The following PLD2 variants were observed in gnomAD, a reference collection of about 807,000 sequenced individuals.
PLD2 encodes the protein choline phosphatase 2.
A neutral mutation model predicts 119.8 loss-of-function variants in PLD2; 101 were observed. That is an observed-to-expected ratio of 0.84 (90% CI 0.72 to 0.99). The LOEUF is 0.99. Ranked by LOEUF, PLD2 falls within the 50% of genes least tolerant of loss-of-function variation. The pLI is 0.00. For synonymous variants in PLD2, 494 were observed against 482.8 expected (o/e 1.02, Z -0.30); for missense variants, 1,164 against 1,226.8 (o/e 0.95, Z 0.76).
Position 4,819,130 on chromosome 17 carries a change from A to T in PLD2, c.2220A>T (p.Thr740=), listed in dbSNP as rs766498542. ...RDYISICGLR[T]HGELGGHPVS... is the part of the protein sequence containing the mutation. Reference sequence around the variant, plus strand: ...ATATTTCCATCTGCGGGCTTCGTACACACGGAGAGCTGGGCGGGCACCCCG... The same window carrying T: ...ATATTTCCATCTGCGGGCTTCGTACTCACGGAGAGCTGGGCGGGCACCCCG... The change falls in exon 22 of 25, where the codon ACA becomes ACT. Residue 740 remains threonine, a synonymous_variant. Transcript: ENST00000263088. The surrounding 1 kb of genome is among the most constrained non-coding windows in gnomAD (Gnocchi z 4.2). The T allele has an allele frequency of 6.8e-6, 11 of 1,614,148 alleles. No individual in the cohort carries two copies. Among genetic ancestry groups the T allele is most frequent in the Non-Finnish European group, 7.6e-6 (9 of 1,180,012 alleles).
intron 21 of PLD2, 93 bp from the exon 22 acceptor site, chr17:4,818,991 T>G: frequency 6.4e-7 from 1 of 1,558,606 alleles, no homozygotes; most frequent in Non-Finnish European, 8.7e-7. Flanking sequence ...GACCAGACTC[T>G]ATGTAGGAAG....
In PLD2 at chr17:4,808,015, T is replaced by C; in HGVS notation, c.141T>C (p.Tyr47=). ...ADRMHPFLAI[Y]ELQSLKVHPL... Reference sequence around the variant, plus strand: ...GGATGCACCCGTTTCTGGCCATCTATGAGCTTCAGTCTCTGAAAGTGCACC... The same window carrying C: ...GGATGCACCCGTTTCTGGCCATCTACGAGCTTCAGTCTCTGAAAGTGCACC... The change falls in exon 3 of 25, where the codon TAT becomes TAC. Residue 47 remains tyrosine (Y), a synonymous_variant. Coordinates refer to ENST00000263088, the MANE Select transcript of PLD2 (RefSeq NM_002663.5). The surrounding 1 kb of genome is among the most constrained non-coding windows in gnomAD (Gnocchi z 4.1). 4.3e-6 allele frequency: 7 copies of C among 1,611,840 alleles called. No individual in the cohort carries two copies. Among genetic ancestry groups the C allele is most frequent in the Non-Finnish European group, 5.9e-6 (7 of 1,178,142 alleles).
rs867021763 is a variant in PLD2 at position 4,820,737 on chromosome 17, C to T, written c.2463-1056C>T. Among the ~76,000 whole-genome samples the T allele has an allele frequency of 6.7e-5, 10 of 149,514 alleles. No individual in the cohort carries two copies. The East Asian group carries it at 7.9e-4, about 12-fold the overall frequency. On this transcript the variant is annotated intron_variant, in intron 23 of 24. Coordinates refer to ENST00000263088, the MANE Select transcript of PLD2 (RefSeq NM_002663.5). Reference sequence around the variant, plus strand: ...GACTACAGGCACCCGCCACCTCGCCCGGCTAATTTTTTGTATTTTTAGTAG... The same window carrying T: ...GACTACAGGCACCCGCCACCTCGCCTGGCTAATTTTTTGTATTTTTAGTAG...
At chr17:4,814,585 G>C in intron 11 of PLD2, 48 bp from the exon 12 acceptor site, 2 of 1,613,160 alleles carry the variant, frequency 1.2e-6, no homozygotes, top group South Asian at 2.2e-5. Flanking sequence ...GGGTGCAGCT[G>C]GTGGTCTGGG....
Position 4,819,352 on chromosome 17 carries a change from T to G in PLD2, c.2309-77T>G. On this transcript the variant is annotated intron_variant, in intron 22 of 24. Transcript: ENST00000263088. The surrounding 1 kb of genome is among the most constrained non-coding windows in gnomAD (Gnocchi z 4.2). ...TCCAAGAAGGAATGTTGCAGGCCAG[T>G]GCTTTGGTAGAGGGGATGGGGTACT... 6.2e-7 allele frequency: 1 copy of G among 1,603,380 alleles called. No individual in the cohort carries two copies. Among genetic ancestry groups the G allele is most frequent in the Admixed American group, 1.7e-5 (1 of 59,012 alleles).
Position 4,808,576 on chromosome 17 carries a change from C to A in PLD2, c.383+160C>A. Reference sequence around the variant, plus strand: ...AGGAAACTTTCCCTGCTCAGCTTTCCCTGTCCATGGTTCTGTGCCAGCATC... The same window carrying A: ...AGGAAACTTTCCCTGCTCAGCTTTCACTGTCCATGGTTCTGTGCCAGCATC... On this transcript the variant is annotated intron_variant, in intron 4 of 24. Transcript: ENST00000263088. The surrounding 1 kb of genome is among the most constrained non-coding windows in gnomAD (Gnocchi z 4.1). 1.4e-6 allele frequency: 1 copy of A among 690,050 alleles called. No homozygotes were observed. Among genetic ancestry groups the A allele is most frequent in the Non-Finnish European group, 2.5e-6 (1 of 404,100 alleles). 42.7% of individuals were successfully genotyped at this position (690,050 alleles called of 1,614,324 possible).
chr17:4,809,912 T>G lies in PLD2; in HGVS notation c.743T>G (p.Met248Arg). Residue 248 changes from methionine to arginine, a missense_variant, in exon 9 of 25, where the codon ATG becomes AGG. By Grantham distance (91) the Met-to-Arg change is moderately conservative (BLOSUM62 -1). Transcript: ENST00000263088. ...GTGAAGGACTCCTTCCTGCTGTACATGTGCCTCGAGACAGGTGCCATCTCA... is the reference window on the plus strand; with the variant it reads ...GTGAAGGACTCCTTCCTGCTGTACAGGTGCCTCGAGACAGGTGCCATCTCA... Reference protein sequence around the residue: ...LVVKDSFLLYMCLETGAISFV... With the variant: ...LVVKDSFLLYRCLETGAISFV... 1.9e-6 allele frequency: 3 copies of G among 1,614,230 alleles called. No homozygotes were observed. The highest frequency in any genetic ancestry group is 2.5e-6 in the Non-Finnish European group (3 of 1,180,042).
In PLD2 at chr17:4,807,896, T is replaced by G. The variant is rs1173316140; in HGVS notation, c.109+15T>G. On this transcript the variant is annotated intron_variant, in intron 2 of 24. Coordinates refer to ENST00000263088, the MANE Select transcript of PLD2 (RefSeq NM_002663.5). The surrounding 1 kb of genome is among the most constrained non-coding windows in gnomAD (Gnocchi z 5.4). ...AGAGGACCCAGGTACACAGGGAAGA[T>G]GGATGGCCCTCAGGGAGGAGAGGCG... The G allele has an allele frequency of 6.2e-7, 1 of 1,611,100 alleles. No homozygotes were observed. Among genetic ancestry groups the G allele is most frequent in the Non-Finnish European group, 8.5e-7 (1 of 1,177,626 alleles).
chr17:4,814,604 TG>T, intron 11 of PLD2, 28 bp from the exon 12 acceptor site: 1 of 1,613,584 alleles, frequency 6.2e-7, no homozygotes, highest in Non-Finnish European at 8.5e-7. Flanking sequence ...GGGCTTCGTT[TG>T]CCCCTAATCC....
rs374089475 is a variant in PLD2 at position 4,814,496 on chromosome 17, C to G, written c.1089C>G (p.Asp363Glu). ...CTCAAGAGGAGATTTTCATCACAGA[C>G]TGGTGGTGAGTGGGAAAAGGCCCCA... ...LRAQEEIFIT[D>E]WWLSPEVYLK... The change falls in exon 11 of 25, where the codon GAC (aspartate) becomes GAG (glutamate). Residue 363 changes from aspartate to glutamate, a missense_variant. Coordinates refer to ENST00000263088, the MANE Select transcript of PLD2 (RefSeq NM_002663.5). The G allele has an allele frequency of 1.4e-5, 23 of 1,613,198 alleles. No homozygotes were observed. The highest frequency in any genetic ancestry group is 1.9e-5 in the Non-Finnish European group (23 of 1,179,764).
In PLD2 at chr17:4,816,633, G is replaced by A. The variant is rs770743350; in HGVS notation, c.1469G>A (p.Arg490His). The part of the protein sequence containing the change: ...ESAASQPPTP[R>H]PDSPATPDLS... ...TTCCCCCTACAGCCTCCCACCCCGC[G>A]CCCAGACTCACCAGCCACCCCAGAC... Residue 490 changes from arginine to histidine, a missense_variant, in exon 15 of 25, where the codon CGC (arginine) becomes CAC (histidine). By Grantham distance (29) the Arg-to-His change is conservative (BLOSUM62 0). Transcript: ENST00000263088. The A allele has an allele frequency of 1.3e-5, 21 of 1,613,396 alleles. No individual in the cohort carries two copies. The highest frequency in any genetic ancestry group is 5.4e-5 in the African/African-American group (4 of 74,704).
At position 4,807,873 on chromosome 17, in the gene PLD2, A is replaced by T; in HGVS notation, c.101A>T (p.Glu34Val). The part of the protein sequence containing the change: ...SDEVDTLKEG[E>V]DPADRMHPFL... Reference sequence around the variant, plus strand: ...GAGGTGGACACCCTGAAGGAGGGAGAGGACCCAGGTACACAGGGAAGATGG... The same window carrying T: ...GAGGTGGACACCCTGAAGGAGGGAGTGGACCCAGGTACACAGGGAAGATGG... Residue 34 changes from glutamate (E) to valine (V), a missense_variant, in exon 2 of 25, where the codon GAG (glutamate) becomes GTG (valine). Coordinates refer to ENST00000263088, the MANE Select transcript of PLD2 (RefSeq NM_002663.5). The surrounding 1 kb of genome is among the most constrained non-coding windows in gnomAD (Gnocchi z 5.4). 1 of 1,612,626 alleles carries T rather than the reference A, an allele frequency of 6.2e-7. No homozygotes were observed.
intron 14 of PLD2, 55 bp downstream of exon 14, chr17:4,815,989 C>T (rs112446713): frequency 2.4e-6 from 3 of 1,264,718 alleles, no homozygotes; most frequent in Non-Finnish European, 3.5e-6. Flanking sequence ...GCTCAATCAA[C>T]ACCATTTCCC....
chr17:4,817,310 C>T (rs1907088326), intron 17 of PLD2, 51 bp downstream of exon 17: 7 of 1,108,884 alleles, frequency 6.3e-6, no homozygotes, highest in East Asian at 2.3e-5. Context: ...TTCAGCCTAA[C>T]ACCCCAACCC....
chr17:4,818,179 T>G lies in PLD2; in HGVS notation c.1920+73T>G. On this transcript the variant is annotated intron_variant, in intron 18 of 24. Transcript: ENST00000263088. ...AGAGAGACCTGGGGAATGAGTGGAG[T>G]CAGTCATTGAGGGCTGGTGGAGCAG... The G allele has an allele frequency of 8.6e-6, 12 of 1,399,952 alleles. No homozygotes were observed. In the South Asian group the frequency reaches 1.4e-4, roughly 16 times the overall value. 86.7% of individuals were successfully genotyped at this position (1,399,952 alleles called of 1,614,324 possible). A position where few individuals can be genotyped will look rare whatever the true frequency, so the allele number is the denominator to read the frequency against.
chr17:4,810,931 G>T lies in PLD2; in HGVS notation c.990G>T (p.Arg330=). 1 of 1,611,984 alleles carries T rather than the reference G, an allele frequency of 6.2e-7. No individual in the cohort carries two copies. ...LHRHDSYAPP[R]PGTLARWFVN... ...GGCATGACAGCTACGCCCCACCCCG[G>T]CCTGGGACCTTGGCCCGGTGGTGAG... The change falls in exon 10 of 25, where the codon CGG becomes CGT. Residue 330 remains arginine, a synonymous_variant. Transcript: ENST00000263088.
At chr17:4,818,993 T>C in intron 21 of PLD2, 91 bp from the exon 22 acceptor site, 4 of 1,561,104 alleles carry the variant, frequency 2.6e-6, no homozygotes, top group East Asian at 2.2e-5. Flanking sequence ...CCAGACTCTA[T>C]GTAGGAAGAG....
In PLD2 at chr17:4,809,304, C is replaced by G. The variant is rs557038351; in HGVS notation, c.496C>G (p.Leu166Val). ...TCTCTCATCTCCACTTCAGAAATAC[C>G]TGGAGAATTACCTCAACCGTCTCTT... ...TRHAASKQKY[L>V]ENYLNRLLTM... The change falls in exon 6 of 25, where the codon CTG becomes GTG. Residue 166 changes from leucine (L) to valine (V), a missense_variant. Transcript: ENST00000263088. The G allele has an allele frequency of 1.3e-4, 209 of 1,613,964 alleles. 2 individuals are homozygous for G. The South Asian group carries it at 2.2e-3, about 17-fold the overall frequency.
At chr17:4,821,201 C>CA (rs113520474) in intron 23 of PLD2, among the ~76,000 whole-genome samples, 59,288 of 147,114 alleles carry the variant, frequency 0.4, 13,847 homozygotes, top group East Asian at 0.87. Context: ...CGTGCCCGGC[C>CA]AAAAAAAAAA....
Sources: allele counts gnomAD v4.1 joint callset (sites outside exome capture counted in the v4.1 genomes callset), GRCh38; gene constraint gnomAD v4.1.1; non-coding constraint Gnocchi (gnomAD v3.1); transcripts MANE v1.5; gene names NCBI Gene and HGNC (gene_info 2026-07-23, HGNC 2026-07-21).